Variants in TMCO4 observed in about 807,000 individuals in gnomAD.
TMCO4 encodes transmembrane and coiled-coil domain-containing protein 4.
TMCO4 carries 58 observed loss-of-function variants against 64.7 expected under a neutral mutation model. That is an observed-to-expected ratio of 0.90 (90% CI 0.73 to 1.12). The LOEUF is 1.12. Ranked by LOEUF, TMCO4 falls within the 50% of genes most tolerant of loss-of-function variation. The pLI is 0.00. For synonymous variants in TMCO4, 325 were observed against 346.1 expected (o/e 0.94, Z 0.68); for missense variants, 780 against 825.9 (o/e 0.94, Z 0.68).
chr1:19,760,914 G>T (rs1026458600), intron 6 of TMCO4, among the ~76,000 whole-genome samples: 1 of 152,232 alleles, frequency 6.6e-6, no homozygotes. Flanking sequence ...TCCAAATGCA[G>T]GGGACAGTTC....
At chr1:19,792,788 T>C (rs113426776) in intron 2 of TMCO4, among the ~76,000 whole-genome samples, 1,651 of 147,158 alleles carry the variant, frequency 0.011, 37 homozygotes, top group African/African-American at 0.041. Flanking sequence ...TTTTTTTTTT[T>C]CAGACAAAGT....
intron 10 of TMCO4, among the ~76,000 whole-genome samples, chr1:19,742,698 A>C (rs550933100): frequency 8.5e-5 from 13 of 152,318 alleles, no homozygotes; most frequent in East Asian, 5.8e-4. Context: ...ACAGCAAGGC[A>C]CCATGCCCTT....
chr1:19,736,732 C>T (rs1478025091), intron 13 of TMCO4, among the ~76,000 whole-genome samples: 1 of 152,234 alleles, frequency 6.6e-6, no homozygotes, highest in African/African-American at 2.4e-5. Flanking sequence ...AAGGATGACA[C>T]TGGAGGCATG....
At chr1:19,715,490 A>C (rs1378398183) in intron 13 of TMCO4, among the ~76,000 whole-genome samples, 2 of 152,222 alleles carry the variant, frequency 1.3e-5, no homozygotes, top group African/African-American at 4.8e-5. Flanking sequence ...TGTCACAGCG[A>C]GTATCTGATA....
chr1:19,740,984 A>G, intron 10 of TMCO4, 43 bp from the exon 11 acceptor site: 2 of 1,548,946 alleles, frequency 1.3e-6, no homozygotes, highest in Non-Finnish European at 1.7e-6. Context: ...TGTCTATGGC[A>G]GAGGATGCCC....
At chr1:19,764,889 G>C (rs950708348) in intron 6 of TMCO4, among the ~76,000 whole-genome samples, 2 of 146,050 alleles carry the variant, frequency 1.4e-5, no homozygotes, top group African/African-American at 5.1e-5. Context: ...GGAGAACCCA[G>C]CAGCCAGGTG....
chr1:19,760,133 A>G (rs563715917), intron 6 of TMCO4, among the ~76,000 whole-genome samples: 1 of 151,968 alleles, frequency 6.6e-6, no homozygotes, highest in South Asian at 2.1e-4. Context: ...CTTCTCTTAC[A>G]GTGGTGAATT....
intron 14 of TMCO4, among the ~76,000 whole-genome samples, chr1:19,696,678 T>C (rs1431824659): frequency 2.6e-5 from 4 of 152,126 alleles, no homozygotes; most frequent in African/African-American, 9.7e-5. Context: ...CATCAAATAC[T>C]GGATATGAGG....
intron 13 of TMCO4, among the ~76,000 whole-genome samples, chr1:19,711,018 AC>A (rs758472359): frequency 1.3e-5 from 2 of 152,242 alleles, no homozygotes; most frequent in African/African-American, 2.4e-5. Flanking sequence ...CAATTGGCCC[AC>A]ATCCTGCTAC....
intron 7 of TMCO4, among the ~76,000 whole-genome samples, chr1:19,750,561 C>G (rs556217830): frequency 1.3e-5 from 2 of 152,142 alleles, no homozygotes; most frequent in Non-Finnish European, 2.9e-5. Flanking sequence ...CCATGACTAC[C>G]TGCCTCTCTC....
At chr1:19,709,860 T>C (rs890598413) in intron 13 of TMCO4, among the ~76,000 whole-genome samples, 3 of 151,240 alleles carry the variant, frequency 2.0e-5, no homozygotes, top group Non-Finnish European at 2.9e-5. Context: ...GTGGTCTCAG[T>C]ACACTGCAAC....
At position 19,739,806 on chromosome 1, in the gene TMCO4, A is replaced by G. The variant is rs1231868163; in HGVS notation, c.1179+18T>C. The stretch of plus-strand genomic sequence containing the variant: ...CCCTCTTGCTCAATGCCACGCCCAC[A>G]CAGCCATTCCCAGGTACCTGCTGCC... On this transcript the variant is annotated intron_variant, in intron 12 of 15. Coordinates refer to ENST00000294543, the MANE Select transcript of TMCO4 (RefSeq NM_181719.7). 4 of 1,610,650 alleles carry G rather than the reference A, an allele frequency of 2.5e-6. No individual in the cohort carries two copies. The highest frequency in any genetic ancestry group is 3.4e-6 in the Non-Finnish European group (4 of 1,178,616).
intron 13 of TMCO4, among the ~76,000 whole-genome samples, chr1:19,717,700 C>T (rs919739540): frequency 6.6e-6 from 1 of 152,186 alleles, no homozygotes; most frequent in African/African-American, 2.4e-5. Context: ...TCGAGGCTTA[C>T]CTGTCCTTCA....
At chr1:19,768,805 A>C (rs1224636853) in intron 6 of TMCO4, among the ~76,000 whole-genome samples, 2 of 151,414 alleles carry the variant, frequency 1.3e-5, no homozygotes, top group Non-Finnish European at 3.0e-5. Flanking sequence ...CGCAGATCCC[A>C]ATCAGCGGGT....
intron 6 of TMCO4, among the ~76,000 whole-genome samples, chr1:19,759,950 C>T (rs1470387365): frequency 6.6e-6 from 1 of 152,192 alleles, no homozygotes; most frequent in African/African-American, 2.4e-5. Flanking sequence ...TCTTGCCTGC[C>T]AGGGTTCTGT....
intron 2 of TMCO4, among the ~76,000 whole-genome samples, chr1:19,797,497 G>A (rs990724985): frequency 3.3e-5 from 5 of 152,134 alleles, no homozygotes; most frequent in African/African-American, 9.7e-5. Context: ...TCTGAGATGC[G>A]GCTGGAGGTG....
intron 2 of TMCO4, 171 bp downstream of exon 2, chr1:19,797,944 GAGAGAAAGAGAGAGAAAAGAAA>G (rs2044402855): frequency 6.8e-6 from 1 of 146,602 alleles, no homozygotes; most frequent in Non-Finnish European, 1.3e-5. Context: ...GAGAGAAAGA[GAGAGAAAGAGAGAGAAAAGAAA>G]AGAAAAGAAA....
intron 6 of TMCO4, among the ~76,000 whole-genome samples, chr1:19,768,665 G>A (rs551972775): frequency 9.2e-5 from 14 of 152,194 alleles, no homozygotes; most frequent in Non-Finnish European, 1.8e-4. Flanking sequence ...CTGGTCACCC[G>A]TGGAGAGCCC....
chr1:19,748,949 G>T (rs2041912999), intron 7 of TMCO4, among the ~76,000 whole-genome samples: 1 of 152,188 alleles, frequency 6.6e-6, no homozygotes, highest in South Asian at 2.1e-4. Context: ...ACCTCAACAG[G>T]TTTTTTTCCT....
Sources: gnomAD v4.1 joint callset for allele counts (sites outside exome capture counted in the v4.1 genomes callset) on GRCh38, gnomAD v4.1.1 for gene constraint, MANE v1.5 for transcripts, NCBI Gene and HGNC (gene_info 2026-07-23, HGNC 2026-07-21) for gene names.